The following RARB variants were observed in gnomAD, a reference collection of about 807,000 sequenced individuals.
RARB encodes HBV-activated protein.
RARB carries 17 observed loss-of-function variants against 51.9 expected under a neutral mutation model. That is an observed-to-expected ratio of 0.33 (90% CI 0.22 to 0.49). The LOEUF is 0.49. Among genes scored for constraint, RARB ranks in the 20% least tolerant of loss-of-function variants. The pLI, the probability that RARB is intolerant of heterozygous loss-of-function variation, is 0.99. For synonymous variants in RARB, 215 were observed against 195.4 expected, an observed-to-expected ratio of 1.10 and a Z score of -0.84; for missense variants, 369 against 550.8, an observed-to-expected ratio of 0.67 and a Z score of 3.30.
At chr3:25,133,097 C>G (rs192473921) in intron 4 of RARB, among the ~76,000 whole-genome samples, 1 of 151,846 alleles carries the variant, frequency 6.6e-6, no homozygotes, top group Non-Finnish European at 1.5e-5. Flanking sequence ...TAATGTTGAA[C>G]GAGTTCTTTT....
chr3:24,917,122 G>C lies in RARB; in HGVS notation c.-380+58370G>C, dbSNP rs555961534. ...TAAAAAAATTTTATAATGAAGTCTT[G>C]GGGTATGAATTATTTGTGAAATTGG... On this transcript the variant is annotated intron_variant, in intron 2 of 11. Coordinates refer to the RARB transcript ENST00000383772. 4.6e-5 allele frequency among the ~76,000 whole-genome samples: 7 copies of C among 152,204 alleles called. No homozygotes were observed. In the South Asian group the frequency reaches 1.5e-3, roughly 32 times the overall value.
At chr3:24,953,182 T>C (rs139593345) in intron 2 of RARB, among the ~76,000 whole-genome samples, 1 of 152,260 alleles carries the variant, frequency 6.6e-6, no homozygotes, top group Non-Finnish European at 1.5e-5. Flanking sequence ...TGAAGTGGTA[T>C]TATGCATCTC....
intron 4 of RARB, among the ~76,000 whole-genome samples, chr3:25,148,923 A>C (rs1469753297): frequency 8.1e-6 from 1 of 123,910 alleles, no homozygotes; most frequent in Non-Finnish European, 1.7e-5. Context: ...CCTTCCTCTT[A>C]GCTCACTTCA....
At chr3:25,027,850 T>C (rs4858685) in intron 2 of RARB, among the ~76,000 whole-genome samples, 32,087 of 152,092 alleles carry the variant, frequency 0.21, 4,296 homozygotes, top group East Asian at 0.37. Flanking sequence ...TGCTTTGTGA[T>C]TTGACTACAT....
chr3:25,039,998 C>T (rs781409258), intron 2 of RARB, among the ~76,000 whole-genome samples: 1 of 152,178 alleles, frequency 6.6e-6, no homozygotes, highest in African/African-American at 2.4e-5. Context: ...GAGATGTTAG[C>T]TGGGGAAAGT....
At chr3:24,962,860 A>G (rs12490559) in intron 2 of RARB, among the ~76,000 whole-genome samples, 64,886 of 152,004 alleles carry the variant, frequency 0.43, 14,360 homozygotes, top group Admixed American at 0.55. Flanking sequence ...TGTTAACTCA[A>G]TTAATCCTCT....
At chr3:25,188,049 A>T (rs1701016698) in intron 5 of RARB, among the ~76,000 whole-genome samples, 1 of 152,168 alleles carries the variant, frequency 6.6e-6, no homozygotes, top group Non-Finnish European at 1.5e-5. Flanking sequence ...GGGATAAACA[A>T]GTTACCGAAT....
chr3:25,012,552 A>G (rs900408770), intron 2 of RARB, among the ~76,000 whole-genome samples: 2 of 152,146 alleles, frequency 1.3e-5, no homozygotes, highest in Non-Finnish European at 2.9e-5. Flanking sequence ...TTTCAGTTTT[A>G]CCGTCTTATT....
intron 2 of RARB, among the ~76,000 whole-genome samples, chr3:24,991,071 A>G (rs1330343000): frequency 1.3e-5 from 2 of 152,232 alleles, no homozygotes; most frequent in African/African-American, 4.8e-5. Context: ...TGTAAACAGC[A>G]GCCTTCTTGA....
intron 5 of RARB, among the ~76,000 whole-genome samples, chr3:25,275,830 A>G (rs530765405): frequency 2.2e-4 from 34 of 152,294 alleles, no homozygotes; most frequent in African/African-American, 7.9e-4. Flanking sequence ...TGTAAATGAC[A>G]AGTTAATGGG....
intron 5 of RARB, among the ~76,000 whole-genome samples, chr3:25,185,338 G>C (rs1700951379): frequency 6.6e-6 from 1 of 152,104 alleles, no homozygotes; most frequent in South Asian, 2.1e-4. Context: ...TGGAGAACTA[G>C]TTAAAGACCA....
At chr3:25,541,587 G>T (rs1274247274) in intron 3 of RARB, among the ~76,000 whole-genome samples, 1 of 152,196 alleles carries the variant, frequency 6.6e-6, no homozygotes, top group Non-Finnish European at 1.5e-5. Context: ...AAGTGAAAAA[G>T]TGGATGCCCC....
intron 1 of RARB, among the ~76,000 whole-genome samples, chr3:25,434,762 G>T (rs139002538): frequency 6.6e-6 from 1 of 151,572 alleles, no homozygotes; most frequent in Non-Finnish European, 1.5e-5. Flanking sequence ...GGATGGTCTC[G>T]ATCTCCTGAC....
At chr3:25,090,469 A>T (rs1223534651) in intron 3 of RARB, among the ~76,000 whole-genome samples, 2 of 152,128 alleles carry the variant, frequency 1.3e-5, no homozygotes, top group East Asian at 3.9e-4. Context: ...AAACACTGTC[A>T]CTTTTGTCAC....
chr3:24,991,382 G>A (rs2125434823), intron 2 of RARB, among the ~76,000 whole-genome samples: 1 of 151,740 alleles, frequency 6.6e-6, no homozygotes, highest in Non-Finnish European at 1.5e-5. Context: ...GGTAGAGGTT[G>A]CAGTGAGCTG....
intron 2 of RARB, among the ~76,000 whole-genome samples, chr3:24,961,362 A>G (rs1696135145): frequency 1.3e-5 from 2 of 152,226 alleles, no homozygotes; most frequent in Admixed American, 6.5e-5. Context: ...TAACATTCAC[A>G]TTTTCACTGA....
At chr3:25,061,731 G>C (rs963243756) in intron 3 of RARB, among the ~76,000 whole-genome samples, 1 of 151,770 alleles carries the variant, frequency 6.6e-6, no homozygotes, top group Non-Finnish European at 1.5e-5. Flanking sequence ...GGAGAGAAAG[G>C]TGTTTTATAC....
intron 2 of RARB, among the ~76,000 whole-genome samples, chr3:25,057,293 T>G (rs898732823): frequency 6.6e-6 from 1 of 152,068 alleles, no homozygotes; most frequent in Non-Finnish European, 1.5e-5. Context: ...ATTATGACTT[T>G]AAGGTAAGAT....
At chr3:25,034,085 A>C (rs1697933033) in intron 2 of RARB, among the ~76,000 whole-genome samples, 1 of 152,140 alleles carries the variant, frequency 6.6e-6, no homozygotes. Flanking sequence ...CTGCGCTCAC[A>C]ATGGGAGTCA....
Sources: gnomAD v4.1 joint callset for allele counts (sites outside exome capture counted in the v4.1 genomes callset) on GRCh38, gnomAD v4.1.1 for gene constraint, MANE v1.5 for transcripts, NCBI Gene and HGNC (gene_info 2026-07-23, HGNC 2026-07-21) for gene names.